DGKB: variants seen among roughly 807,000 people sequenced by gnomAD.
DGKB encodes 90 kDa diacylglycerol kinase.
Under a neutral mutation model 114.3 loss-of-function variants are expected in DGKB, and 67 were observed. That is an observed-to-expected ratio of 0.59 (90% confidence interval 0.48 to 0.72). The LOEUF is 0.72. Ranked by LOEUF, DGKB falls within the 30% of genes least tolerant of loss-of-function variation. DGKB has a pLI of 0.00. For missense variants in DGKB, 907 were observed against 975.2 expected (o/e 0.93, Z 0.93); for synonymous variants, 398 against 323.1 (o/e 1.23, Z -2.49).
intron 17 of DGKB, among the ~76,000 whole-genome samples, chr7:14,596,086 G>A (rs1430792482): frequency 6.6e-6 from 1 of 151,920 alleles, no homozygotes; most frequent in Non-Finnish European, 1.5e-5. Flanking sequence ...CATTGATGGC[G>A]ATATTTCATA....
intron 25 of DGKB, among the ~76,000 whole-genome samples, chr7:14,150,323 T>A (rs1309190211): frequency 6.6e-6 from 1 of 152,084 alleles, no homozygotes; most frequent in Non-Finnish European, 1.5e-5. Flanking sequence ...AATATATCTC[T>A]TAAAGTGCAT....
chr7:14,281,191 AAC>A (rs1170162444), intron 23 of DGKB, among the ~76,000 whole-genome samples: 8 of 149,982 alleles, frequency 5.3e-5, no homozygotes, highest in Admixed American at 2.0e-4. Flanking sequence ...GGAGAACAAA[AAC>A]AGGCAGGGGT....
intron 1 of DGKB, among the ~76,000 whole-genome samples, chr7:14,842,598 C>A (rs1223081734): frequency 1.3e-5 from 2 of 152,174 alleles, no homozygotes; most frequent in Non-Finnish European, 2.9e-5. Flanking sequence ...ATCTTCCACC[C>A]AGTTTCCTTC....
chr7:14,269,343 C>T (rs1797957454), intron 23 of DGKB: 1 of 152,164 alleles, frequency 6.6e-6, no homozygotes, highest in African/African-American at 2.4e-5. Flanking sequence ...AAATTAAGCT[C>T]CACCACTTAA....
chr7:14,580,994 C>G (rs1799849031), intron 18 of DGKB, 43 bp from the exon 19 acceptor site: 1 of 1,406,178 alleles, frequency 7.1e-7, no homozygotes, highest in African/African-American at 1.4e-5. Flanking sequence ...ATTTTAAGTT[C>G]AGATAAAACG....
chr7:14,630,399 T>C, intron 13 of DGKB, 131 bp from the exon 14 acceptor site: 1 of 555,574 alleles, frequency 1.8e-6, no homozygotes, highest in Non-Finnish European at 3.1e-6. Context: ...CTTGGTATAA[T>C]TTTACTGCTT....
At chr7:14,967,437 C>T (rs1033955145) in intron 1 of DGKB, among the ~76,000 whole-genome samples, 4 of 151,944 alleles carry the variant, frequency 2.6e-5, no homozygotes, top group African/African-American at 9.7e-5. Flanking sequence ...TCTCCTGCCT[C>T]AGCCTTCCAA....
At chr7:14,740,305 G>C (rs1257667577) in intron 4 of DGKB, among the ~76,000 whole-genome samples, 4 of 145,842 alleles carry the variant, frequency 2.7e-5, no homozygotes, top group African/African-American at 1.0e-4. Context: ...TACAGTTTTT[G>C]CTATTACCTA....
At chr7:14,784,839 TG>T (rs754778637) in intron 2 of DGKB, among the ~76,000 whole-genome samples, 3 of 152,254 alleles carry the variant, frequency 2.0e-5, no homozygotes, top group South Asian at 2.1e-4. Flanking sequence ...TTTTTTTTAA[TG>T]TTTTTTTGGC....
At chr7:14,753,592 A>G (rs1484974370) in intron 4 of DGKB, among the ~76,000 whole-genome samples, 2 of 152,222 alleles carry the variant, frequency 1.3e-5, no homozygotes, top group Non-Finnish European at 2.9e-5. Flanking sequence ...TTAATAAATT[A>G]AGACTTTTAC....
intron 15 of DGKB, among the ~76,000 whole-genome samples, chr7:14,619,364 G>A (rs974843593): frequency 1.8e-4 from 27 of 151,388 alleles, no homozygotes; most frequent in Admixed American, 2.0e-4. Context: ...CTGTAATAAG[G>A]TCGAATATTT....
chr7:14,632,577 G>A (rs376356968), intron 13 of DGKB, among the ~76,000 whole-genome samples: 167 of 151,620 alleles, frequency 1.1e-3, no homozygotes, highest in African/African-American at 3.7e-3. Context: ...ATCCTTTAAC[G>A]CCTAAAAGTG....
chr7:14,371,274 C>T (rs1445491185), intron 21 of DGKB, among the ~76,000 whole-genome samples: 1 of 152,172 alleles, frequency 6.6e-6, no homozygotes, highest in Non-Finnish European at 1.5e-5. Flanking sequence ...AACTAATTTA[C>T]ATTCCCACCA....
chr7:14,379,157 T>G (rs537644766), intron 21 of DGKB, among the ~76,000 whole-genome samples: 1 of 152,148 alleles, frequency 6.6e-6, no homozygotes, highest in Non-Finnish European at 1.5e-5. Flanking sequence ...ATTTTCTAAA[T>G]TTGTTATTTG....
intron 24 of DGKB, among the ~76,000 whole-genome samples, chr7:14,177,398 T>G (rs73271717): frequency 0.2 from 29,671 of 151,380 alleles, 3,283 homozygotes; most frequent in Admixed American, 0.29. Context: ...GTACTAAAAA[T>G]ACAAAAATTA....
intron 20 of DGKB, among the ~76,000 whole-genome samples, chr7:14,568,604 C>T (rs1449973772): frequency 2.0e-5 from 3 of 152,168 alleles, no homozygotes; most frequent in Non-Finnish European, 2.9e-5. Context: ...GAGCCTCTCC[C>T]CAATTTTTAA....
At chr7:14,663,252 G>C (rs1817471467) in intron 13 of DGKB, among the ~76,000 whole-genome samples, 1 of 151,928 alleles carries the variant, frequency 6.6e-6, no homozygotes, top group African/African-American at 2.4e-5. Flanking sequence ...ATTCTCTTCA[G>C]TGTCTGGTGT....
chr7:14,321,696 A>G (rs1431056659), intron 23 of DGKB, among the ~76,000 whole-genome samples: 1 of 152,140 alleles, frequency 6.6e-6, no homozygotes, highest in Non-Finnish European at 1.5e-5. Context: ...TTAAAGTCCA[A>G]CAGTCTATAG....
intron 20 of DGKB, among the ~76,000 whole-genome samples, chr7:14,518,712 T>C (rs926763385): frequency 2.6e-5 from 4 of 151,008 alleles, no homozygotes; most frequent in African/African-American, 9.7e-5. Context: ...AGCATATACC[T>C]CCATCACCCA....
Sources: gnomAD v4.1 joint callset for allele counts (sites outside exome capture counted in the v4.1 genomes callset) on GRCh38, gnomAD v4.1.1 for gene constraint, MANE v1.5 for transcripts, NCBI Gene and HGNC (gene_info 2026-07-23, HGNC 2026-07-21) for gene names.